Variants in ATAD2 observed in about 807,000 individuals in gnomAD.
ATAD2 encodes ATPase family AAA domain containing 2, also known as ATPase family AAA domain-containing protein 2.
In ATAD2, 62 loss-of-function variants were observed where a neutral mutation model predicts 168.9. The ratio of observed to expected loss-of-function variants is 0.37; its 90% CI spans 0.30 to 0.45. The LOEUF is 0.45. Among genes scored for constraint, ATAD2 ranks in the 20% least tolerant of loss-of-function variants. ATAD2 has a pLI of 1.00. For missense variants in ATAD2, 1,419 were observed against 1,667.8 expected (o/e 0.85, Z 2.60); for synonymous variants, 613 against 571.6 (o/e 1.07, Z -1.03).
intron 1 of ATAD2, among the ~76,000 whole-genome samples, chr8:123,415,600 A>AT (rs11306561): frequency 8.4e-4 from 126 of 150,048 alleles, no homozygotes; most frequent in Middle Eastern, 3.4e-3. Flanking sequence ...GATAAACACT[A>AT]TTTTTTTTTT....
chr8:123,399,811 G>A (rs1347305700), upstream of ATAD2, among the ~76,000 whole-genome samples: 4 of 151,490 alleles, frequency 2.6e-5, no homozygotes, highest in Non-Finnish European at 5.9e-5. Context: ...CCGAGATTAC[G>A]CCATTGCACT....
At chr8:123,386,020 C>CAAAAAAAAAAAAAAAAAAAAAAA (rs58687997) in intron 1 of ATAD2, among the ~76,000 whole-genome samples, 1 of 81,110 alleles carries the variant, frequency 1.2e-5, no homozygotes, top group Non-Finnish European at 2.7e-5. Context: ...TGGCTACTCA[C>CAAAAAAAAAAAAAAAAAAAAAAA]AAAAAAAAAA....
intron 13 of ATAD2, among the ~76,000 whole-genome samples, chr8:123,354,864 A>AAAAATATATAT (rs1554644338): frequency 1.5e-4 from 10 of 64,710 alleles, no homozygotes; most frequent in African/African-American, 8.7e-4. Context: ...AAAAAAAAAA[A>AAAAATATATAT]ATATATATAT....
In ATAD2 at chr8:123,380,621, AG is replaced by A; in HGVS notation, c.227del (p.Ser76PhefsTer2). On this transcript the variant is annotated frameshift_variant, in exon 2 of 28. Transcript: ENST00000287394. LOFTEE classifies it high-confidence loss of function. ...ETYHRTRALR[S>X]LRKDAQNSSD... ...AAGAATTCTGTGCATCTTTTCTCAAAGATCTTAAAGCACGTGTCCGGTGGTA... is the reference window on the plus strand; with the variant it reads ...AAGAATTCTGTGCATCTTTTCTCAAAATCTTAAAGCACGTGTCCGGTGGTA... The A allele has an allele frequency of 6.2e-7, 1 of 1,614,116 alleles. No homozygotes were observed.
At chr8:123,337,013 C>G (rs1257971661) in intron 21 of ATAD2, among the ~76,000 whole-genome samples, 15 of 148,180 alleles carry the variant, frequency 1.0e-4, no homozygotes, top group Non-Finnish European at 1.8e-4. Flanking sequence ...TGTCACTGCA[C>G]TCCAGCCTGG....
intron 2 of ATAD2, among the ~76,000 whole-genome samples, chr8:123,379,785 G>C (rs1829437325): frequency 6.6e-6 from 1 of 151,432 alleles, no homozygotes; most frequent in Non-Finnish European, 1.5e-5. Flanking sequence ...GGCCCGGCTG[G>C]TCTCAAACTC....
intron 3 of ATAD2, 91 bp downstream of exon 3, chr8:123,372,546 A>G (rs1829179276): frequency 1.0e-6 from 1 of 952,392 alleles, no homozygotes; most frequent in African/African-American, 1.7e-5. Flanking sequence ...CACTTTAAAC[A>G]TGTAAAATTT....
chr8:123,364,277 T>C, intron 8 of ATAD2, among the ~76,000 whole-genome samples: 1 of 152,162 alleles, frequency 6.6e-6, no homozygotes, highest in Non-Finnish European at 1.5e-5. Flanking sequence ...CTAGTAGAGC[T>C]GAGCTCCAAG....
intron 26 of ATAD2, 134 bp from the exon 27 acceptor site, chr8:123,323,200 C>G: frequency 1.2e-6 from 1 of 866,328 alleles, no homozygotes; most frequent in East Asian, 2.8e-5. Flanking sequence ...ACAGGGCAGC[C>G]TCTGGCAGTG....
At chr8:123,379,556 A>G (rs1829426774) in intron 2 of ATAD2, among the ~76,000 whole-genome samples, 1 of 114,538 alleles carries the variant, frequency 8.7e-6, no homozygotes, top group Non-Finnish European at 1.7e-5. Flanking sequence ...GAATGTGTAC[A>G]TACTAATTTT....
chr8:123,409,940 GAAAA>G (rs33947485), intron 1 of ATAD2, among the ~76,000 whole-genome samples: 1 of 102,882 alleles, frequency 9.7e-6, no homozygotes, highest in African/African-American at 3.9e-5. Context: ...CTCCATCTCG[GAAAA>G]AAAAAAAAAA....
At chr8:123,383,411 T>C (rs754498349) in intron 1 of ATAD2, among the ~76,000 whole-genome samples, 37 of 152,152 alleles carry the variant, frequency 2.4e-4, no homozygotes, top group Non-Finnish European at 4.6e-4. Context: ...AATTTCACTA[T>C]TGCAGACACT....
chr8:123,368,033 A>C (rs1829031712), intron 8 of ATAD2, among the ~76,000 whole-genome samples: 1 of 152,152 alleles, frequency 6.6e-6, no homozygotes, highest in South Asian at 2.1e-4. Context: ...TCCCCATACA[A>C]ATAAAATTTT....
At chr8:123,401,044 A>C (rs1204696350), upstream of ATAD2, 22 of 1,572,222 alleles carry the variant, frequency 1.4e-5, no homozygotes, top group Non-Finnish European at 1.8e-5. Context: ...GCCGGTGGGC[A>C]TCGTCACTTC....
chr8:123,380,520 T>C lies in ATAD2; in HGVS notation c.320+9A>G. On this transcript the variant is annotated intron_variant, in intron 2 of 27. Coordinates refer to ENST00000287394, the MANE Select transcript of ATAD2 (RefSeq NM_014109.4). The stretch of plus-strand genomic sequence containing the variant: ...TATTTTGAATTAGTGTTCAACCACC[T>C]TGTATTACCTTGTAAAATGCCTGCC... 1 of 1,613,070 alleles carries C rather than the reference T, an allele frequency of 6.2e-7. No individual in the cohort carries two copies. The highest frequency in any genetic ancestry group is 8.5e-7 in the Non-Finnish European group (1 of 1,179,424).
intron 17 of ATAD2, 79 bp downstream of exon 17, chr8:123,346,539 T>C: frequency 7.5e-7 from 1 of 1,329,542 alleles, no homozygotes; most frequent in Non-Finnish European, 1.0e-6. Context: ...GTTAGCACTT[T>C]TTATTTTTTC....
At chr8:123,396,112 G>C (rs917192194) in intron 1 of ATAD2, 75 bp downstream of exon 1, 205 of 1,454,998 alleles carry the variant, frequency 1.4e-4, no homozygotes, top group Non-Finnish European at 1.8e-4. Flanking sequence ...CCCACCCCCA[G>C]GCCCCTCCGA....
chr8:123,326,183 G>A (rs1178616761), intron 25 of ATAD2, among the ~76,000 whole-genome samples, 157 bp from the exon 26 acceptor site: 2 of 152,150 alleles, frequency 1.3e-5, no homozygotes, highest in African/African-American at 4.8e-5. Context: ...TTAAGATACT[G>A]CCACTCATAC....
At position 123,396,440 on chromosome 8, in the gene ATAD2, C is replaced by G. The variant is rs1475810626; in HGVS notation, c.-83G>C. 2.2e-6 allele frequency: 3 copies of G among 1,361,442 alleles called. No individual in the cohort carries two copies. The highest frequency in any genetic ancestry group is 1.5e-5 in the African/African-American group (1 of 65,274). The allele number at this position is 1,361,442 out of a possible 1,614,324, so 84.3% of individuals were successfully genotyped here. On this transcript the variant is annotated 5_prime_UTR_variant, in exon 1 of 28. Coordinates refer to ENST00000287394, the MANE Select transcript of ATAD2 (RefSeq NM_014109.4). ...TCGCAGCTCTGGCTCTTCCGCGCTC[C>G]GAATTCTGGCGCCACAAGCTCCGCG...
Sources: allele counts gnomAD v4.1 joint callset (sites outside exome capture counted in the v4.1 genomes callset), GRCh38; gene constraint gnomAD v4.1.1; transcripts MANE v1.5; gene names NCBI Gene and HGNC (gene_info 2026-07-23, HGNC 2026-07-21).